TMEM132C: variants seen among roughly 807,000 people sequenced by gnomAD.
The protein encoded by TMEM132C is transmembrane protein 132C, also known as protein phosphatase 1, regulatory subunit 152.
A neutral mutation model predicts 61.4 loss-of-function variants in TMEM132C; 29 were observed. The observed-to-expected ratio is 0.47, with a 90% CI of 0.35 to 0.64. The LOEUF is 0.64. Among genes scored for constraint, TMEM132C ranks in the 30% least tolerant of loss-of-function variants. The pLI, the probability that TMEM132C is intolerant of heterozygous loss-of-function variation, is 0.00. For missense variants in TMEM132C, 1,408 were observed against 1,476.9 expected (o/e 0.95, Z 0.76); for synonymous variants, 656 against 633.1 (o/e 1.04, Z -0.54).
chr12:128,541,037 C>CTCTCTCTCTT (rs1393655337), intron 2 of TMEM132C, among the ~76,000 whole-genome samples: 1 of 151,932 alleles, frequency 6.6e-6, no homozygotes. Flanking sequence ...GTCTCTCTCT[C>CTCTCTCTCTT]TCTCTCTCTG....
At chr12:128,519,225 A>C (rs780064590) in intron 2 of TMEM132C, among the ~76,000 whole-genome samples, 13 of 152,214 alleles carry the variant, frequency 8.5e-5, no homozygotes, top group Admixed American at 4.6e-4. Flanking sequence ...TGCTGCAGAG[A>C]ATTCCAGACA....
At chr12:128,461,602 T>C (rs1476511365) in intron 2 of TMEM132C, among the ~76,000 whole-genome samples, 2 of 152,160 alleles carry the variant, frequency 1.3e-5, no homozygotes, top group African/African-American at 2.4e-5. Context: ...TACAGGTTGT[T>C]CACTGCTCCA....
At chr12:128,433,129 C>A (rs1265964443) in intron 2 of TMEM132C, among the ~76,000 whole-genome samples, 4 of 152,082 alleles carry the variant, frequency 2.6e-5, no homozygotes, top group Non-Finnish European at 4.4e-5. Flanking sequence ...TTTTTAGACA[C>A]CATGCTGTTG....
intron 2 of TMEM132C, among the ~76,000 whole-genome samples, chr12:128,460,410 T>C (rs1870493875): frequency 6.6e-6 from 1 of 152,124 alleles, no homozygotes; most frequent in South Asian, 2.1e-4. Flanking sequence ...ACTTAGTAAG[T>C]CCACTTGTTC....
intron 3 of TMEM132C, among the ~76,000 whole-genome samples, chr12:128,590,170 G>T (rs942343346): frequency 2.0e-5 from 3 of 152,210 alleles, no homozygotes; most frequent in African/African-American, 7.2e-5. Context: ...ACGTGTACCC[G>T]TTGGAGGGCA....
rs1441878150 is a variant in TMEM132C, at chr12:128,415,916, A to G, written c.974+296A>G. Among the ~76,000 whole-genome samples the G allele has an allele frequency of 6.6e-6, 1 of 152,068 alleles. No individual in the cohort carries two copies. The highest frequency in any genetic ancestry group is 1.5e-5 in the Non-Finnish European group (1 of 68,008). ...CAGTTATCCTCACACTTGGAGAGGG[A>G]TGTGATTTTTCTTCTGCTGTGAATC... On this transcript the variant is annotated intron_variant, in intron 2 of 8. Coordinates refer to ENST00000435159, the MANE Select transcript of TMEM132C (RefSeq NM_001136103.3). The surrounding 1 kb of genome is among the most constrained non-coding windows in gnomAD (Gnocchi z 5.8).
chr12:128,628,035 C>G (rs1054176982), intron 4 of TMEM132C, among the ~76,000 whole-genome samples: 1 of 152,216 alleles, frequency 6.6e-6, no homozygotes, highest in African/African-American at 2.4e-5. Flanking sequence ...CTGCCGCACA[C>G]TCTGGTATCG....
At chr12:128,419,093 T>C (rs1868885839) in intron 2 of TMEM132C, among the ~76,000 whole-genome samples, 1 of 152,178 alleles carries the variant, frequency 6.6e-6, no homozygotes, top group Non-Finnish European at 1.5e-5. Context: ...GTGAAGCTTA[T>C]GTTCTAGTAG....
intron 1 of TMEM132C, among the ~76,000 whole-genome samples, chr12:128,363,305 C>A (rs2135973751): frequency 6.6e-6 from 1 of 152,344 alleles, no homozygotes; most frequent in South Asian, 2.1e-4. Flanking sequence ...CTGCTCTGCC[C>A]ACTCCACTTC....
chr12:128,470,713 G>A (rs1870921755), intron 2 of TMEM132C, among the ~76,000 whole-genome samples: 1 of 152,176 alleles, frequency 6.6e-6, no homozygotes, highest in Non-Finnish European at 1.5e-5. Flanking sequence ...TCAAGTTTTG[G>A]TGGGCTGTTA....
intron 2 of TMEM132C, among the ~76,000 whole-genome samples, chr12:128,426,707 G>A (rs776561207): frequency 2.6e-5 from 4 of 152,018 alleles, no homozygotes. Context: ...GTCCCCCTCC[G>A]CAGCTCCCCA....
At chr12:128,289,229 C>A (rs1403530291) in intron 1 of TMEM132C, among the ~76,000 whole-genome samples, 1 of 152,208 alleles carries the variant, frequency 6.6e-6, no homozygotes, top group Admixed American at 6.5e-5. Context: ...TGCACCTATA[C>A]ACACCCTCTC....
chr12:128,312,896 A>T (rs1239800771), intron 1 of TMEM132C, among the ~76,000 whole-genome samples: 2 of 152,244 alleles, frequency 1.3e-5, no homozygotes, highest in Non-Finnish European at 2.9e-5. Context: ...TGCCTCCCGC[A>T]CATGGGCTCT....
intron 5 of TMEM132C, among the ~76,000 whole-genome samples, chr12:128,681,590 C>T (rs941435786): frequency 6.6e-6 from 1 of 151,628 alleles, no homozygotes; most frequent in Non-Finnish European, 1.5e-5. Context: ...ATTCTCCATA[C>T]TGATCACAGT....
rs963411996 is a variant in TMEM132C, at chr12:128,570,800, C to T, written c.1121+26697C>T. Among the ~76,000 whole-genome samples, 2 of 152,212 alleles carry T rather than the reference C, an allele frequency of 1.3e-5. No homozygotes were observed. The highest frequency in any genetic ancestry group is 2.4e-5 in the African/African-American group (1 of 41,450). The stretch of plus-strand genomic sequence containing the variant: ...GTAGGTGAAGGCTGGCGCTGTTTGC[C>T]TCTTTGGATAAGAAAAACAATAGCT... On this transcript the variant is annotated intron_variant, in intron 3 of 8. Coordinates refer to ENST00000435159, the MANE Select transcript of TMEM132C (RefSeq NM_001136103.3). This position sits in a 1 kb window ranked among gnomAD's most constrained non-coding sequence, Gnocchi z 4.7.
intron 3 of TMEM132C, among the ~76,000 whole-genome samples, chr12:128,610,246 AT>A (rs1876587112): frequency 6.6e-6 from 1 of 152,102 alleles, no homozygotes; most frequent in Admixed American, 6.6e-5. Flanking sequence ...GAGAAGGCTG[AT>A]TTTCTTTATT....
chr12:128,502,681 G>A (rs971397601), intron 2 of TMEM132C, among the ~76,000 whole-genome samples: 6 of 152,190 alleles, frequency 3.9e-5, no homozygotes, highest in Non-Finnish European at 7.3e-5. Context: ...TCGGCAATTG[G>A]CAGCCTCTTG....
chr12:128,483,081 A>AC (rs1871365491), intron 2 of TMEM132C, among the ~76,000 whole-genome samples: 1 of 150,710 alleles, frequency 6.6e-6, no homozygotes, highest in South Asian at 2.1e-4. Flanking sequence ...ATATAGCAAG[A>AC]CCCCATCTCT....
In TMEM132C at chr12:128,616,166, T is replaced by A. The variant is rs1379007508; in HGVS notation, c.1136T>A (p.Phe379Tyr). The A allele has an allele frequency of 6.4e-7, 1 of 1,551,518 alleles. No homozygotes were observed. The highest frequency in any genetic ancestry group is 2.0e-5 in the Admixed American group (1 of 50,952). Residue 379 changes from phenylalanine (F) to tyrosine (Y), a missense_variant, in exon 4 of 9, where the codon TTC (phenylalanine) becomes TAC (tyrosine). Transcript: ENST00000435159. ...CTCTCTTCCAGGAGCAGCAGTTTAT[T>A]CAATGAGGTTGTGCAGATGAACTTT... ...PSPRNRSSSL[F>Y]NEVVQMNFEI...
Sources: gnomAD v4.1 joint callset for allele counts (sites outside exome capture counted in the v4.1 genomes callset) on GRCh38, gnomAD v4.1.1 for gene constraint, Gnocchi (gnomAD v3.1) non-coding constraint, MANE v1.5 for transcripts, NCBI Gene and HGNC (gene_info 2026-07-23, HGNC 2026-07-21) for gene names.